ACVR1: variants seen among roughly 807,000 people sequenced by gnomAD.
ACVR1 encodes the protein activin A receptor type 1.
ACVR1 carries 38 observed loss-of-function variants against 57.1 expected under a neutral mutation model. The ratio of observed to expected loss-of-function variants is 0.67; its 90% CI spans 0.51 to 0.87. The LOEUF is 0.87. Among genes scored for constraint, ACVR1 ranks in the 40% least tolerant of loss-of-function variants. The pLI is 0.00. For missense variants in ACVR1, 463 were observed against 638.2 expected (o/e 0.73, Z 2.96); for synonymous variants, 212 against 228.1 (o/e 0.93, Z 0.63).
intron 2 of ACVR1, among the ~76,000 whole-genome samples, chr2:157,815,633 C>T (rs1340003914): frequency 1.3e-5 from 2 of 152,138 alleles, no homozygotes; most frequent in Non-Finnish European, 1.5e-5. Context: ...TAAAGTCTGT[C>T]TCCTAATTCC....
chr2:157,738,443 G>C lies in ACVR1; in HGVS notation c.1392C>G (p.Asp464Glu), dbSNP rs886042941. Reference protein sequence around the residue: ...RPNIPNRWFSDPTLTSLAKLM... With the variant: ...RPNIPNRWFSEPTLTSLAKLM... ...ACTGAGAAACTGGCATTCTTACCGG[G>C]TCTGAGAACCATCTGTTGGGTATGT... is the stretch of plus-strand genomic sequence containing the variant. The change falls in exon 10 of 11, where the codon GAC becomes GAG. Residue 464 changes from aspartate to glutamate, a missense_variant. By Grantham distance (45) the Asp-to-Glu change is conservative. Transcript: ENST00000434821. 1.2e-6 allele frequency: 2 copies of C among 1,613,964 alleles called. No homozygotes were observed. The highest frequency in any genetic ancestry group is 1.7e-6 in the Non-Finnish European group (2 of 1,179,956).
chr2:157,826,209 C>T (rs1688343462), intron 1 of ACVR1, among the ~76,000 whole-genome samples: 1 of 152,172 alleles, frequency 6.6e-6, no homozygotes, highest in Non-Finnish European at 1.5e-5. Flanking sequence ...CTAGGCTGTA[C>T]TATTTACCTT....
intron 1 of ACVR1, among the ~76,000 whole-genome samples, chr2:157,820,401 C>T (rs1688120109): frequency 6.6e-6 from 1 of 152,162 alleles, no homozygotes; most frequent in African/African-American, 2.4e-5. Flanking sequence ...TTCCCCTCTG[C>T]CAAAGTCTAA....
chr2:157,738,364 A>G (rs1009377947), intron 10 of ACVR1, 76 bp downstream of exon 10: 36 of 1,598,260 alleles, frequency 2.3e-5, no homozygotes, highest in Non-Finnish European at 2.7e-5. Flanking sequence ...CAGATGCAAT[A>G]CCAGTTGAAA....
chr2:157,778,147 C>T lies in ACVR1; in HGVS notation c.527G>A (p.Gly176Glu), dbSNP rs1686361841. The stretch of plus-strand genomic sequence containing the variant: ...ATGACTTACTGCTAAAGTGCTGTCT[C>T]CAACATTGGTGGTGATGAGCCCTTC... Reference protein sequence around the residue: ...TIEGLITTNVGDSTLADLLDH... With the variant: ...TIEGLITTNVEDSTLADLLDH... Residue 176 changes from glycine to glutamate, a missense_variant, in exon 5 of 11, where the codon GGA becomes GAA. Physicochemically the swap from Gly to Glu is moderately conservative, Grantham distance 98. Around this residue, in one of 3 missense-constraint regions of ACVR1, gnomAD observed 203 missense variants for 235.5 expected, o/e 0.86. Coordinates refer to ENST00000434821, the MANE Select transcript of ACVR1 (RefSeq NM_001111067.4). The T allele has an allele frequency of 6.2e-7, 1 of 1,613,648 alleles. No individual in the cohort carries two copies. Among genetic ancestry groups the T allele is most frequent in the Non-Finnish European group, 8.5e-7 (1 of 1,179,848 alleles).
chr2:157,759,775 A>T (rs1348005220), intron 9 of ACVR1, among the ~76,000 whole-genome samples: 1 of 152,166 alleles, frequency 6.6e-6, no homozygotes, highest in Non-Finnish European at 1.5e-5. Context: ...TTGGGATGCA[A>T]GGAAGGTTCA....
At chr2:157,773,872 G>A (rs1355678850) in intron 6 of ACVR1, among the ~76,000 whole-genome samples, 6 of 152,114 alleles carry the variant, frequency 3.9e-5, no homozygotes, top group Non-Finnish European at 7.3e-5. Flanking sequence ...TTTTGACTCT[G>A]CATTCTCTGT....
At chr2:157,803,069 A>G (rs565801489) in intron 2 of ACVR1, among the ~76,000 whole-genome samples, 1 of 152,244 alleles carries the variant, frequency 6.6e-6, no homozygotes, top group Admixed American at 6.5e-5. Flanking sequence ...TAGCTCAAGT[A>G]ATAGTAAAAG....
chr2:157,769,756 A>G (rs1686006775), intron 7 of ACVR1, among the ~76,000 whole-genome samples: 1 of 152,208 alleles, frequency 6.6e-6, no homozygotes, highest in Non-Finnish European at 1.5e-5. Flanking sequence ...ACACACTTAG[A>G]GAAACTTTTC....
chr2:157,816,387 C>T (rs1464101560), intron 2 of ACVR1, among the ~76,000 whole-genome samples: 1 of 151,164 alleles, frequency 6.6e-6, no homozygotes, highest in African/African-American at 2.4e-5. Context: ...AGTTCAACAC[C>T]AGCCTGGGCA....
intron 7 of ACVR1, among the ~76,000 whole-genome samples, chr2:157,767,517 G>C (rs2105262654): frequency 6.6e-6 from 1 of 152,084 alleles, no homozygotes; most frequent in East Asian, 1.9e-4. Context: ...GTGAAGTTTG[G>C]GACTTAAAAA....
At chr2:157,774,251 A>C in intron 5 of ACVR1, 64 bp from the exon 6 acceptor site, 2 of 1,305,226 alleles carry the variant, frequency 1.5e-6, no homozygotes, top group Non-Finnish European at 2.2e-6. Context: ...TTGGAGTATT[A>C]GCATGCATGA....
intron 1 of ACVR1, among the ~76,000 whole-genome samples, chr2:157,823,602 C>T (rs962969881): frequency 6.6e-6 from 1 of 152,028 alleles, no homozygotes; most frequent in East Asian, 1.9e-4. Context: ...ATGTTTTGGC[C>T]GAAATATTAG....
chr2:157,773,063 G>C (rs1311121935), intron 6 of ACVR1, among the ~76,000 whole-genome samples: 1 of 152,174 alleles, frequency 6.6e-6, no homozygotes, highest in Non-Finnish European at 1.5e-5. Flanking sequence ...AGCAAAAGAT[G>C]CAACGGCAGG....
chr2:157,841,271 G>A (rs563809827), intron 1 of ACVR1, among the ~76,000 whole-genome samples: 1 of 152,208 alleles, frequency 6.6e-6, no homozygotes, highest in Non-Finnish European at 1.5e-5. Context: ...AAGGTAGGGA[G>A]GAAAATAAGA....
intron 1 of ACVR1, among the ~76,000 whole-genome samples, chr2:157,832,137 T>C (rs538467769): frequency 6.6e-6 from 1 of 152,234 alleles, no homozygotes; most frequent in African/African-American, 2.4e-5. Context: ...AACCTAGGCA[T>C]GTTACTTCCC....
At chr2:157,844,521 G>A (rs2105358339) in intron 1 of ACVR1, among the ~76,000 whole-genome samples, 1 of 152,260 alleles carries the variant, frequency 6.6e-6, no homozygotes, top group East Asian at 1.9e-4. Flanking sequence ...AACTTGGGAT[G>A]AGAAAAATCT....
intron 9 of ACVR1, among the ~76,000 whole-genome samples, chr2:157,740,934 C>T (rs1449833581): frequency 2.0e-5 from 3 of 152,310 alleles, no homozygotes; most frequent in African/African-American, 7.2e-5. Flanking sequence ...TTTCACCTGA[C>T]GCTGGCCATG....
intron 1 of ACVR1, among the ~76,000 whole-genome samples, chr2:157,824,899 G>C (rs536297390): frequency 6.6e-6 from 1 of 152,064 alleles, no homozygotes; most frequent in African/African-American, 2.4e-5. Flanking sequence ...GATTACAGGC[G>C]TATGCCACCA....
Sources: gnomAD v4.1 joint callset for allele counts (sites outside exome capture counted in the v4.1 genomes callset) on GRCh38, gnomAD v4.1.1 for gene constraint, gnomAD v4.1.1 regional missense constraint, MANE v1.5 for transcripts, NCBI Gene and HGNC (gene_info 2026-07-23, HGNC 2026-07-21) for gene names.